DDX60: variants seen among roughly 807,000 people sequenced by gnomAD.
The protein encoded by DDX60 is DExD/H-box helicase 60.
In DDX60, 165 loss-of-function variants were observed where a neutral mutation model predicts 212.8. The observed-to-expected ratio is 0.78, with a 90% CI of 0.68 to 0.88. The LOEUF (loss-of-function observed/expected upper bound fraction) is 0.88, where lower values mean the gene tolerates loss of function less well. Among genes scored for constraint, DDX60 ranks in the 40% least tolerant of loss-of-function variants. The pLI is 0.00. For missense variants in DDX60, 1,905 were observed against 2,003.9 expected (o/e 0.95, Z 0.94); for synonymous variants, 703 against 685.3 (o/e 1.03, Z -0.40).
At chr4:168,294,005 G>T in intron 6 of DDX60, 60 bp from the exon 7 acceptor site, 2 of 1,507,650 alleles carry the variant, frequency 1.3e-6, no homozygotes, top group Admixed American at 4.0e-5. Context: ...TTATTTGTAA[G>T]TGATCTTACT....
chr4:168,270,879 T>C (rs1182369754), intron 19 of DDX60, among the ~76,000 whole-genome samples: 3 of 144,696 alleles, frequency 2.1e-5, no homozygotes, highest in Admixed American at 6.8e-5. Flanking sequence ...TTCTTTCTTT[T>C]TTTTTTTTTT....
Position 168,268,844 on chromosome 4 carries a change from T to C in DDX60, c.2786+10A>G. ...TAAACACTCTGTCCAAATTGAAACT[T>C]AATGCCTACTCGGTGAGATGTTCAG... On this transcript the variant is annotated intron_variant, in intron 20 of 37. Transcript: ENST00000393743. 2 of 1,457,798 alleles carry C rather than the reference T, an allele frequency of 1.4e-6. No homozygotes were observed. Among genetic ancestry groups the C allele is most frequent in the Non-Finnish European group, 1.9e-6 (2 of 1,061,832 alleles). 90.3% of individuals were successfully genotyped at this position (1,457,798 alleles called of 1,614,324 possible). A position where few individuals can be genotyped will look rare whatever the true frequency, so the allele number is the denominator to read the frequency against.
intron 6 of DDX60, among the ~76,000 whole-genome samples, chr4:168,301,783 TTTA>T (rs1284942832): frequency 6.6e-6 from 1 of 152,166 alleles, no homozygotes; most frequent in East Asian, 1.9e-4. Context: ...TCCTTCAAGA[TTTA>T]TTAACTACAA....
At position 168,262,723 on chromosome 4, in the gene DDX60, T is replaced by C; in HGVS notation, c.3104A>G (p.Asp1035Gly). Reference sequence around the variant, plus strand: ...ACTTTTCCAAATTTGAAACATGGCATCATACAGCTGGATGCTTTCTCGAGG... The same window carrying C: ...ACTTTTCCAAATTTGAAACATGGCACCATACAGCTGGATGCTTTCTCGAGG... ...LSPRESIQLY[D>G]AMFQIWKSWP... The change falls in exon 23 of 38, where the codon GAT becomes GGT. Residue 1035 changes from aspartate (D) to glycine (G), a missense_variant. By Grantham distance (94) the Asp-to-Gly change is moderately conservative. Transcript: ENST00000393743. 1.2e-6 allele frequency: 2 copies of C among 1,612,684 alleles called. No individual in the cohort carries two copies. The highest frequency in any genetic ancestry group is 1.7e-6 in the Non-Finnish European group (2 of 1,179,200).
intron 29 of DDX60, among the ~76,000 whole-genome samples, chr4:168,246,846 T>G (rs944348667): frequency 6.6e-6 from 1 of 152,184 alleles, no homozygotes; most frequent in Non-Finnish European, 1.5e-5. Flanking sequence ...TTTCATGCCA[T>G]TAATTGCAGT....
chr4:168,284,713 T>C (rs1735741023), intron 12 of DDX60, 107 bp downstream of exon 12: 1 of 534,228 alleles, frequency 1.9e-6, no homozygotes, highest in Non-Finnish European at 3.2e-6. Context: ...TAGACTATTT[T>C]CATTCAAAAA....
chr4:168,292,565 G>A (rs1736157107), intron 7 of DDX60, among the ~76,000 whole-genome samples: 1 of 152,138 alleles, frequency 6.6e-6, no homozygotes, highest in African/African-American at 2.4e-5. Flanking sequence ...CTACGCTGAT[G>A]GAGCCACACA....
Position 168,268,982 on chromosome 4 carries a change from A to C in DDX60, c.2671-13T>G, listed in dbSNP as rs781092727. 1.3e-4 allele frequency: 184 copies of C among 1,428,468 alleles called. No homozygotes were observed. The highest frequency in any genetic ancestry group is 1.7e-4 in the African/African-American group (12 of 69,848). 88.5% of individuals were successfully genotyped at this position (1,428,468 alleles called of 1,614,324 possible). ...CAAGACAATGAACCTATTAAACAAA[A>C]AAAAAAAAATCTCAACTGAAAAGTT... On this transcript the variant is annotated splice_polypyrimidine_tract_variant and intron_variant, in intron 19 of 37. Transcript: ENST00000393743.
At chr4:168,320,977 A>AT (rs201492040), upstream of DDX60, among the ~76,000 whole-genome samples, 448 of 151,268 alleles carry the variant, frequency 3.0e-3, 4 homozygotes, top group African/African-American at 9.0e-3. Context: ...TGGACAAATG[A>AT]TTTTTTTTTG....
chr4:168,293,537 G>A (rs765791559), intron 7 of DDX60, among the ~76,000 whole-genome samples: 66 of 152,116 alleles, frequency 4.3e-4, no homozygotes, highest in Non-Finnish European at 8.8e-4. Context: ...ATCCTGTCTT[G>A]TTTCATTTTC....
intron 30 of DDX60, among the ~76,000 whole-genome samples, chr4:168,242,927 G>C (rs1270464765): frequency 6.6e-6 from 1 of 152,160 alleles, no homozygotes; most frequent in Non-Finnish European, 1.5e-5. Context: ...AGAGGAAACT[G>C]GTGTGAGGTA....
At chr4:168,263,142 G>T (rs571992544) in intron 22 of DDX60, among the ~76,000 whole-genome samples, 22 of 152,258 alleles carry the variant, frequency 1.4e-4, no homozygotes, top group Admixed American at 4.6e-4. Context: ...CACCAAAACT[G>T]ATGTAATTAA....
chr4:168,264,061 T>C (rs929475122), intron 22 of DDX60, among the ~76,000 whole-genome samples: 2 of 151,940 alleles, frequency 1.3e-5, no homozygotes, highest in African/African-American at 4.8e-5. Context: ...ATTTCGGGGC[T>C]AAAAAAGCCA....
intron 35 of DDX60, among the ~76,000 whole-genome samples, chr4:168,223,640 T>A (rs1733143329): frequency 6.6e-6 from 1 of 152,096 alleles, no homozygotes; most frequent in African/African-American, 2.4e-5. Flanking sequence ...TAAAAATGTA[T>A]GTGTTCATTT....
At chr4:168,287,227 A>C (rs772384752) in intron 9 of DDX60, 24 bp from the exon 10 acceptor site, 1 of 1,582,230 alleles carries the variant, frequency 6.3e-7, no homozygotes, top group East Asian at 2.3e-5. Flanking sequence ...AAAAACACTA[A>C]ATACTAGAAG....
At chr4:168,320,948 C>T (rs1048835469), upstream of DDX60, among the ~76,000 whole-genome samples, 8 of 152,196 alleles carry the variant, frequency 5.3e-5, no homozygotes, top group Admixed American at 4.6e-4. Context: ...AATTCTACAA[C>T]TGAAAGTGTT....
intron 1 of DDX60, among the ~76,000 whole-genome samples, chr4:168,314,741 C>T (rs943885786): frequency 1.3e-5 from 2 of 152,114 alleles, no homozygotes; most frequent in African/African-American, 2.4e-5. Context: ...TCTCCCCCTA[C>T]TAATATTTCT....
intron 13 of DDX60, among the ~76,000 whole-genome samples, chr4:168,282,167 C>T (rs866212681): frequency 6.6e-6 from 1 of 152,184 alleles, no homozygotes; most frequent in African/African-American, 2.4e-5. Flanking sequence ...AGAGGCTTCT[C>T]TTTGGCTCTT....
At chr4:168,227,387 T>C (rs1578970493) in intron 33 of DDX60, among the ~76,000 whole-genome samples, 1 of 152,092 alleles carries the variant, frequency 6.6e-6, no homozygotes, top group Non-Finnish European at 1.5e-5. Flanking sequence ...CTCTTTGCGA[T>C]GTCTAAAATA....
Sources: allele counts gnomAD v4.1 joint callset (sites outside exome capture counted in the v4.1 genomes callset), GRCh38; gene constraint gnomAD v4.1.1; transcripts MANE v1.5; gene names NCBI Gene and HGNC (gene_info 2026-07-23, HGNC 2026-07-21).